The following SHLD2 variants were observed in gnomAD, a reference collection of about 807,000 sequenced individuals.
The protein encoded by SHLD2 is shieldin complex subunit 2.
In SHLD2, 30 loss-of-function variants were observed where a neutral mutation model predicts 73.2. That is an observed-to-expected ratio of 0.41 (90% CI 0.31 to 0.56). The LOEUF is 0.56. Among genes scored for constraint, SHLD2 ranks in the 20% least tolerant of loss-of-function variants. The probability of loss-of-function intolerance (pLI) is 0.28; values close to 1 mark genes in which losing one functional copy is unlikely to be tolerated. For synonymous variants in SHLD2, 285 were observed against 370.1 expected (o/e 0.77, Z 2.64); for missense variants, 745 against 1,055.9 (o/e 0.71, Z 4.08).
At chr10:87,145,097 C>T (rs1254870767) in intron 2 of SHLD2, among the ~76,000 whole-genome samples, 9 of 150,224 alleles carry the variant, frequency 6.0e-5, no homozygotes, top group Admixed American at 1.3e-4. Context: ...CCCACCACCA[C>T]GCTCGGCTAA....
At chr10:87,189,282 T>C (rs1848863050) in intron 9 of SHLD2, among the ~76,000 whole-genome samples, 1 of 152,264 alleles carries the variant, frequency 6.6e-6, no homozygotes, top group Admixed American at 6.5e-5. Context: ...ATTACAGGCG[T>C]GAGCCACCGT....
chr10:87,175,547 G>A (rs1306038098), intron 6 of SHLD2, among the ~76,000 whole-genome samples: 1 of 151,698 alleles, frequency 6.6e-6, no homozygotes, highest in Non-Finnish European at 1.5e-5. Context: ...AGCCGGGAGT[G>A]GTGGCACGCA....
At position 87,151,945 on chromosome 10, in the gene SHLD2, G is replaced by A. The variant is rs1426412722; in HGVS notation, c.591G>A (p.Glu197=). ...TAGGGCCTGAAGTGGTACAAAGAGAGTGTGTGCCAACAGAATATCATGAAA... is the reference window on the plus strand; with the variant it reads ...TAGGGCCTGAAGTGGTACAAAGAGAATGTGTGCCAACAGAATATCATGAAA... ...INIGPEVVQR[E]CVPTEYHEIQ... The change falls in exon 3 of 10, where the codon GAG becomes GAA. Residue 197 remains glutamate (E), a synonymous_variant. Coordinates refer to ENST00000298786, the MANE Select transcript of SHLD2 (RefSeq NM_001330112.2). The A allele has an allele frequency of 1.9e-6, 3 of 1,611,338 alleles. No individual in the cohort carries two copies. Among genetic ancestry groups the A allele is most frequent in the Non-Finnish European group, 2.5e-6 (3 of 1,179,258 alleles).
intron 2 of SHLD2, among the ~76,000 whole-genome samples, chr10:87,109,708 T>C (rs1381107504): frequency 6.6e-6 from 1 of 152,252 alleles, no homozygotes; most frequent in Non-Finnish European, 1.5e-5. Context: ...CAAGTTTTTA[T>C]GTCATCTTGA....
chr10:87,107,157 ATT>A (rs1842654019), intron 2 of SHLD2, among the ~76,000 whole-genome samples: 1 of 151,302 alleles, frequency 6.6e-6, no homozygotes, highest in Non-Finnish European at 1.5e-5. Context: ...TCATGCCTGT[ATT>A]CCCAGCACTT....
intron 2 of SHLD2, among the ~76,000 whole-genome samples, chr10:87,136,813 C>A (rs1844832554): frequency 6.6e-6 from 1 of 152,140 alleles, no homozygotes; most frequent in African/African-American, 2.4e-5. Context: ...CTATGAAACA[C>A]AAGCAGGTCT....
chr10:87,102,003 A>G (rs1384222101), intron 2 of SHLD2, among the ~76,000 whole-genome samples: 2 of 152,210 alleles, frequency 1.3e-5, no homozygotes, highest in African/African-American at 4.8e-5. Flanking sequence ...GTCATTTGCA[A>G]ATAGAGATAG....
At position 87,191,144 on chromosome 10, in the gene SHLD2, C is replaced by T. The variant is rs1260321698; in HGVS notation, c.*461C>T. 1 of 176,184 alleles carries T rather than the reference C, an allele frequency of 5.7e-6. No individual in the cohort carries two copies. Among genetic ancestry groups the T allele is most frequent in the African/African-American group, 2.4e-5 (1 of 41,254 alleles). 10.9% of individuals were successfully genotyped at this position (176,184 alleles called of 1,614,324 possible). A position where few individuals can be genotyped will look rare whatever the true frequency, so the allele number is the denominator to read the frequency against. ...TGATAATGGATTAGTTTATATAAAC[C>T]TATGTTTAGACAAGTTCAAGACAAG... is the stretch of plus-strand genomic sequence containing the variant. On this transcript the variant is annotated 3_prime_UTR_variant, in exon 10 of 10. Coordinates refer to ENST00000298786, the MANE Select transcript of SHLD2 (RefSeq NM_001330112.2).
chr10:87,149,377 A>G (rs865891408), intron 2 of SHLD2, among the ~76,000 whole-genome samples: 3 of 151,888 alleles, frequency 2.0e-5, no homozygotes, highest in Admixed American at 1.3e-4. Context: ...GGATTAAATG[A>G]GGTTGGAATA....
intron 8 of SHLD2, among the ~76,000 whole-genome samples, chr10:87,186,516 G>T (rs1477116611): frequency 2.6e-5 from 4 of 152,192 alleles, no homozygotes; most frequent in Non-Finnish European, 5.9e-5. Flanking sequence ...CCCAGCACAT[G>T]TGTATCCCTT....
At chr10:87,137,432 A>G (rs1378589045) in intron 2 of SHLD2, among the ~76,000 whole-genome samples, 3 of 152,140 alleles carry the variant, frequency 2.0e-5, no homozygotes. Context: ...ATATACTAGC[A>G]GAAATGAATT....
intron 8 of SHLD2, among the ~76,000 whole-genome samples, chr10:87,181,824 C>T (rs1199165483): frequency 6.6e-6 from 1 of 151,282 alleles, no homozygotes; most frequent in African/African-American, 2.4e-5. Context: ...GGCTGGAGTG[C>T]ACTGGTGCGA....
chr10:87,099,419 T>G (rs1842122418), intron 2 of SHLD2, among the ~76,000 whole-genome samples: 1 of 152,242 alleles, frequency 6.6e-6, no homozygotes, highest in South Asian at 2.1e-4. Context: ...AAAAGATGTA[T>G]GTGGCCCTTT....
At chr10:87,189,136 G>A (rs1304465485) in intron 9 of SHLD2, among the ~76,000 whole-genome samples, 3 of 151,890 alleles carry the variant, frequency 2.0e-5, no homozygotes, top group African/African-American at 7.3e-5. Context: ...CAAGTAGCTG[G>A]GATTACAGGC....
intron 2 of SHLD2, among the ~76,000 whole-genome samples, chr10:87,116,993 T>C (rs1321732109): frequency 6.6e-6 from 1 of 152,094 alleles, no homozygotes; most frequent in Non-Finnish European, 1.5e-5. Flanking sequence ...GACTGGATAG[T>C]GGAATTGAAG....
At position 87,128,496 on chromosome 10, in the gene SHLD2, T is replaced by A. The variant is rs561234022; in HGVS notation, c.-5-22854T>A. Among the ~76,000 whole-genome samples the A allele has an allele frequency of 7.2e-5, 11 of 152,378 alleles. No homozygotes were observed. The South Asian group carries it at 2.1e-3, about 29-fold the overall frequency. Reference sequence around the variant, plus strand: ...ATCCTTGGAATTCTCTTTTCTTTTCTCCTGCATTGGCACTTCTGTTTCTTC... The same window carrying A: ...ATCCTTGGAATTCTCTTTTCTTTTCACCTGCATTGGCACTTCTGTTTCTTC... On this transcript the variant is annotated intron_variant, in intron 2 of 9. Transcript: ENST00000298786.
At chr10:87,097,433 C>T (rs967546981) in intron 2 of SHLD2, among the ~76,000 whole-genome samples, 1 of 151,824 alleles carries the variant, frequency 6.6e-6, no homozygotes, top group East Asian at 1.9e-4. Context: ...TGGTGGGGGG[C>T]CTACAAAAAT....
intron 2 of SHLD2, among the ~76,000 whole-genome samples, chr10:87,116,803 A>T (rs1265151251): frequency 6.6e-6 from 1 of 152,190 alleles, no homozygotes; most frequent in Non-Finnish European, 1.5e-5. Context: ...GTGAACACAC[A>T]ATTGAACAGT....
At chr10:87,141,337 GTTTT>G (rs200905992) in intron 2 of SHLD2, among the ~76,000 whole-genome samples, 2 of 135,732 alleles carry the variant, frequency 1.5e-5, no homozygotes, top group Non-Finnish European at 3.2e-5. Flanking sequence ...GGTGTTCGGT[GTTTT>G]TTTTTTTTTT....
Sources: gnomAD v4.1 joint callset for allele counts (sites outside exome capture counted in the v4.1 genomes callset) on GRCh38, gnomAD v4.1.1 for gene constraint, MANE v1.5 for transcripts, NCBI Gene and HGNC (gene_info 2026-07-23, HGNC 2026-07-21) for gene names.